Variants in DNAAF9 observed in about 807,000 individuals in gnomAD.
The protein encoded by DNAAF9 is shulin.
Under a neutral mutation model 167.0 loss-of-function variants are expected in DNAAF9, and 90 were observed. The observed-to-expected ratio is 0.54, with a 90% CI of 0.45 to 0.64. The LOEUF (loss-of-function observed/expected upper bound fraction) is 0.64, where lower values mean the gene tolerates loss of function less well. Ranked by LOEUF, DNAAF9 falls within the 30% of genes least tolerant of loss-of-function variation. The probability of loss-of-function intolerance (pLI) is 0.00; values close to 1 mark genes in which losing one functional copy is unlikely to be tolerated. For missense variants in DNAAF9, 1,315 were observed against 1,442.2 expected, an observed-to-expected ratio of 0.91 and a Z score of 1.43; for synonymous variants, 491 against 508.8, an observed-to-expected ratio of 0.96 and a Z score of 0.47.
At chr20:3,335,906 T>TGA (rs1002287916) in intron 10 of DNAAF9, among the ~76,000 whole-genome samples, 14 of 151,924 alleles carry the variant, frequency 9.2e-5, no homozygotes, top group Non-Finnish European at 1.5e-4. Context: ...GTGCATCACT[T>TGA]GAGGTCAGGA....
intron 10 of DNAAF9, among the ~76,000 whole-genome samples, chr20:3,336,252 G>GTGTTTTTTTTTTTTTTTT (rs2069940496): frequency 2.5e-5 from 2 of 81,444 alleles, no homozygotes; most frequent in East Asian, 6.7e-4. Context: ...ACAGTTTTGC[G>GTGTTTTTTTTTTTTTTTT]TTTTTGTTTT....
At chr20:3,281,870 C>A in intron 27 of DNAAF9, 104 bp from the exon 28 acceptor site, 1 of 1,206,664 alleles carries the variant, frequency 8.3e-7, no homozygotes, top group Non-Finnish European at 1.2e-6. Flanking sequence ...GAAAGAAAAC[C>A]AAAAGGAAGA....
chr20:3,293,885 G>C (rs2069014438), intron 25 of DNAAF9, among the ~76,000 whole-genome samples: 1 of 152,128 alleles, frequency 6.6e-6, no homozygotes, highest in Non-Finnish European at 1.5e-5. Context: ...TGAGAGGCCA[G>C]GGAAGGGCAC....
intron 20 of DNAAF9, among the ~76,000 whole-genome samples, chr20:3,304,973 G>C (rs2069264196): frequency 6.6e-6 from 1 of 152,206 alleles, no homozygotes; most frequent in South Asian, 2.1e-4. Context: ...AGGAGCACTT[G>C]GGTCTCAGCT....
chr20:3,360,973 C>A (rs185281989), intron 6 of DNAAF9, among the ~76,000 whole-genome samples: 1 of 152,142 alleles, frequency 6.6e-6, no homozygotes, highest in African/African-American at 2.4e-5. Flanking sequence ...CTAAAAACAA[C>A]GCATCAGCCA....
chr20:3,366,462 T>C (rs1442084255), intron 6 of DNAAF9, among the ~76,000 whole-genome samples: 2 of 152,114 alleles, frequency 1.3e-5, no homozygotes, highest in Non-Finnish European at 2.9e-5. Context: ...CAGCCTTTGG[T>C]GATCCATTTA....
chr20:3,388,067 C>CAAAAA (rs901916873), intron 1 of DNAAF9, among the ~76,000 whole-genome samples: 1 of 104,900 alleles, frequency 9.5e-6, no homozygotes, highest in African/African-American at 3.5e-5. Context: ...GACTCTGTCT[C>CAAAAA]AAAAAAAAAA....
At chr20:3,338,101 T>TAC (rs1022917467) in intron 10 of DNAAF9, among the ~76,000 whole-genome samples, 1 of 150,032 alleles carries the variant, frequency 6.7e-6, no homozygotes, top group Non-Finnish European at 1.5e-5. Flanking sequence ...CATACATACA[T>TAC]ACACACACAC....
chr20:3,313,992 C>T (rs1015192856), intron 20 of DNAAF9, among the ~76,000 whole-genome samples: 1 of 152,208 alleles, frequency 6.6e-6, no homozygotes, highest in Admixed American at 6.5e-5. Context: ...CTGCCATGGG[C>T]TGGTGACTCC....
intron 4 of DNAAF9, 69 bp from the exon 5 acceptor site, chr20:3,375,195 C>G (rs548918918): frequency 4.0e-6 from 4 of 1,001,772 alleles, no homozygotes; most frequent in Admixed American, 3.5e-5. Context: ...ATTTTCTCTG[C>G]ATTTTGTCAA....
chr20:3,384,701 C>A (rs745535880), intron 1 of DNAAF9, among the ~76,000 whole-genome samples: 39 of 151,704 alleles, frequency 2.6e-4, no homozygotes, highest in Non-Finnish European at 5.3e-4. Context: ...ATGTAAACAC[C>A]CTTAACAAAA....
In DNAAF9 at chr20:3,385,646, G is replaced by T. The variant is rs933312278; in HGVS notation, c.84-3140C>A. Among the ~76,000 whole-genome samples, 61 of 152,234 alleles carry T rather than the reference G, an allele frequency of 4.0e-4. 1 individual carries two copies. The highest frequency in any genetic ancestry group is 1.4e-3 in the African/African-American group (60 of 41,538). On this transcript the variant is annotated intron_variant, in intron 1 of 36. Coordinates refer to ENST00000252032, the MANE Select transcript of DNAAF9 (RefSeq NM_001009984.3). ...TCTCACTTTGTTGCCTCCCTAGGCT[G>T]GTCTTGAATTCCTAGCTTCAAGTGA...
At chr20:3,369,123 C>CT in intron 6 of DNAAF9, among the ~76,000 whole-genome samples, 1 of 128,494 alleles carries the variant, frequency 7.8e-6, no homozygotes, top group Non-Finnish European at 1.7e-5. Context: ...GAGTAAAACT[C>CT]TGTCTCAAAA....
chr20:3,343,744 C>A lies in DNAAF9; in HGVS notation c.790-13G>T. ...AACTTCTGAATGGCTAAAAAGAAGC[C>A]AACATTGTATATATTAAGAACACAA... On this transcript the variant is annotated splice_polypyrimidine_tract_variant and intron_variant, in intron 8 of 36. Transcript: ENST00000252032. 2 of 1,602,606 alleles carry A rather than the reference C, an allele frequency of 1.2e-6. No individual in the cohort carries two copies. The highest frequency in any genetic ancestry group is 1.7e-6 in the Non-Finnish European group (2 of 1,170,294).
At chr20:3,280,313 A>G (rs2068743755) in intron 28 of DNAAF9, among the ~76,000 whole-genome samples, 2 of 152,136 alleles carry the variant, frequency 1.3e-5, no homozygotes, top group Non-Finnish European at 2.9e-5. Context: ...CTGTAATCCC[A>G]GCACTTTTGG....
intron 7 of DNAAF9, among the ~76,000 whole-genome samples, chr20:3,356,119 G>A (rs565454413): frequency 2.6e-4 from 40 of 152,290 alleles, no homozygotes; most frequent in Admixed American, 2.2e-3. Flanking sequence ...TCGGGTTCAA[G>A]TGATTCTCCT....
chr20:3,259,574 G>A lies in DNAAF9; in HGVS notation c.2981-20C>T. 6 of 1,577,540 alleles carry A rather than the reference G, an allele frequency of 3.8e-6. No homozygotes were observed. The highest frequency in any genetic ancestry group is 5.2e-6 in the Non-Finnish European group (6 of 1,146,694). ...GAATTGCTGGTGGAAGAAGAGGACA[G>A]CGCTGTCACCCACATGGAGGCACAG... On this transcript the variant is annotated intron_variant, in intron 32 of 36. Transcript: ENST00000252032.
intron 29 of DNAAF9, among the ~76,000 whole-genome samples, chr20:3,275,945 A>C (rs1232155229): frequency 6.6e-6 from 1 of 152,254 alleles, no homozygotes. Flanking sequence ...TTTTAAAAGC[A>C]GGCCATGACA....
At chr20:3,326,394 A>G in intron 12 of DNAAF9, 110 bp from the exon 13 acceptor site, 2 of 730,816 alleles carry the variant, frequency 2.7e-6, no homozygotes, top group South Asian at 3.5e-5. Context: ...AACAGAATGA[A>G]AAAAGGCAAA....
Sources: gnomAD v4.1 joint callset for allele counts (sites outside exome capture counted in the v4.1 genomes callset) on GRCh38, gnomAD v4.1.1 for gene constraint, MANE v1.5 for transcripts, NCBI Gene and HGNC (gene_info 2026-07-23, HGNC 2026-07-21) for gene names.